The following MAEL variants were observed in gnomAD, a reference collection of about 807,000 sequenced individuals.
MAEL encodes the protein protein maelstrom homolog.
A neutral mutation model predicts 62.0 loss-of-function variants in MAEL; 46 were observed. The ratio of observed to expected loss-of-function variants is 0.74; its 90% CI spans 0.59 to 0.95. The LOEUF is 0.95. Among genes scored for constraint, MAEL ranks in the 40% least tolerant of loss-of-function variants. MAEL has a pLI of 0.00. For missense variants in MAEL, 497 were observed against 526.8 expected (o/e 0.94, Z 0.55); for synonymous variants, 172 against 175.5 (o/e 0.98, Z 0.16).
At chr1:166,998,240 T>G (rs1205835885) in intron 5 of MAEL, among the ~76,000 whole-genome samples, 1 of 152,224 alleles carries the variant, frequency 6.6e-6, no homozygotes, top group Non-Finnish European at 1.5e-5. Context: ...ATATTGAATC[T>G]TTATATTTGT....
At position 166,991,319 on chromosome 1, in the gene MAEL, G is replaced by A. The variant is rs1571243043; in HGVS notation, c.226-59G>A. On this transcript the variant is annotated intron_variant, in intron 2 of 11. Coordinates refer to ENST00000367872, the MANE Select transcript of MAEL (RefSeq NM_032858.3). ...TGCAGTTATTTAGCTAAATTTTAAT[G>A]TATGGTCTAAAAGTGCCCAGCAAGA... is the stretch of plus-strand genomic sequence containing the variant. The A allele has an allele frequency of 9.6e-6, 10 of 1,046,694 alleles. No individual in the cohort carries two copies. In the East Asian group the frequency reaches 1.7e-4, roughly 17 times the overall value. 64.8% of individuals were successfully genotyped at this position (1,046,694 alleles called of 1,614,324 possible). A position where few individuals can be genotyped will look rare whatever the true frequency, so the allele number is the denominator to read the frequency against.
chr1:167,002,802 TGTAA>T (rs1398118095), intron 5 of MAEL, among the ~76,000 whole-genome samples: 3 of 152,248 alleles, frequency 2.0e-5, no homozygotes, highest in Non-Finnish European at 4.4e-5. Context: ...TAAATTTTTA[TGTAA>T]GTAATATTGC....
chr1:166,990,021 AT>A, intron 2 of MAEL, 192 bp downstream of exon 2: 1 of 575,376 alleles, frequency 1.7e-6, no homozygotes, highest in African/African-American at 1.9e-5. Flanking sequence ...CAACTAGGGC[AT>A]GCACACATTG....
intron 3 of MAEL, among the ~76,000 whole-genome samples, chr1:166,992,434 T>C (rs1360333795): frequency 2.0e-5 from 3 of 152,190 alleles, no homozygotes; most frequent in Non-Finnish European, 4.4e-5. Flanking sequence ...TAGAGCTGGC[T>C]GCAAGTTGGA....
chr1:166,976,461 T>A (rs1663584375), intron 1 of MAEL, among the ~76,000 whole-genome samples: 1 of 152,168 alleles, frequency 6.6e-6, no homozygotes, highest in South Asian at 2.1e-4. Flanking sequence ...TTATTCCTAG[T>A]AAAACGGGGC....
At chr1:167,004,383 G>C in intron 6 of MAEL, 79 bp downstream of exon 6, 2 of 1,352,744 alleles carry the variant, frequency 1.5e-6, no homozygotes, top group Non-Finnish European at 2.0e-6. Context: ...ATTTTTGCCT[G>C]TGTATTTTTG....
In MAEL at chr1:167,021,193, A is replaced by G. The variant is rs1352836841; in HGVS notation, c.1117+33A>G. 3 of 1,466,152 alleles carry G rather than the reference A, an allele frequency of 2.0e-6. No individual in the cohort carries two copies. The African/African-American group carries it at 4.2e-5, about 20-fold the overall frequency. The allele number at this position is 1,466,152 out of a possible 1,614,324, so 90.8% of individuals were successfully genotyped here. On this transcript the variant is annotated intron_variant, in intron 11 of 11. Transcript: ENST00000367872. ...ACTTATATTTTACAAAAATGCACCT[A>G]AAGGATGTTAGAGCCTATTACTAAG...
intron 1 of MAEL, among the ~76,000 whole-genome samples, chr1:166,978,370 G>A (rs1663657060): frequency 6.6e-6 from 1 of 152,140 alleles, no homozygotes; most frequent in Non-Finnish European, 1.5e-5. Flanking sequence ...AGGTGATGAA[G>A]GGTTAATATA....
chr1:167,021,187 G>A (rs767854278), intron 11 of MAEL, 27 bp downstream of exon 11: 1 of 1,504,936 alleles, frequency 6.6e-7, no homozygotes, highest in South Asian at 1.1e-5. Flanking sequence ...TTACAAAAAT[G>A]CACCTAAAGG....
At chr1:167,000,009 A>G (rs1302056312) in intron 5 of MAEL, among the ~76,000 whole-genome samples, 1 of 152,210 alleles carries the variant, frequency 6.6e-6, no homozygotes, top group Non-Finnish European at 1.5e-5. Flanking sequence ...GCTCATTGAC[A>G]TTAGACCTAG....
At chr1:167,007,723 G>GT (rs1001282281) in intron 8 of MAEL, among the ~76,000 whole-genome samples, 20 of 151,710 alleles carry the variant, frequency 1.3e-4, no homozygotes, top group African/African-American at 4.8e-4. Context: ...GAGTTCTCTA[G>GT]TTTTTTTACT....
At chr1:166,983,330 G>A (rs1304638573) in intron 1 of MAEL, among the ~76,000 whole-genome samples, 3 of 151,938 alleles carry the variant, frequency 2.0e-5, no homozygotes, top group Non-Finnish European at 4.4e-5. Context: ...TTCCTTCTCT[G>A]GCTTCTAAAC....
chr1:166,988,782 C>T (rs80132679), upstream of MAEL, among the ~76,000 whole-genome samples: 1,278 of 152,256 alleles, frequency 8.4e-3, 25 homozygotes, highest in African/African-American at 0.03. Context: ...CAACCTCTTC[C>T]TCTGTTTCCT....
chr1:167,005,029 A>T (rs2102098199), intron 6 of MAEL, 47 bp from the exon 7 acceptor site: 2 of 1,573,296 alleles, frequency 1.3e-6, no homozygotes, highest in East Asian at 4.5e-5. Context: ...GTAGGAGAAG[A>T]TACAAGTAGT....
At chr1:166,997,578 G>A (rs1471517153) in intron 5 of MAEL, among the ~76,000 whole-genome samples, 1 of 152,130 alleles carries the variant, frequency 6.6e-6, no homozygotes, top group East Asian at 1.9e-4. Context: ...TGCCCAGGCT[G>A]GAGCATGATG....
At chr1:166,985,508 G>A (rs575780166), upstream of MAEL, among the ~76,000 whole-genome samples, 1 of 152,286 alleles carries the variant, frequency 6.6e-6, no homozygotes, top group South Asian at 2.1e-4. Context: ...CAGCCAAAGT[G>A]GAATTTGGCT....
chr1:166,976,744 CAGACTCCACACCTA>C (rs1663595248), intron 1 of MAEL, among the ~76,000 whole-genome samples: 1 of 152,182 alleles, frequency 6.6e-6, no homozygotes, highest in Admixed American at 6.5e-5. Context: ...CTGGAGCAGA[CAGACTCCACACCTA>C]AGAGTGAATG....
chr1:167,017,764 A>G, intron 9 of MAEL, 63 bp from the exon 10 acceptor site: 1 of 1,477,722 alleles, frequency 6.8e-7, no homozygotes. Flanking sequence ...AGATTTTAAA[A>G]TACAAATACT....
chr1:167,005,890 A>G (rs535335732), intron 8 of MAEL: 1 of 152,494 alleles, frequency 6.6e-6, no homozygotes, highest in African/African-American at 2.4e-5. Context: ...CTTGAGGGTA[A>G]GTTGCTATCA....
Sources: gnomAD v4.1 joint callset for allele counts (sites outside exome capture counted in the v4.1 genomes callset) on GRCh38, gnomAD v4.1.1 for gene constraint, MANE v1.5 for transcripts, NCBI Gene and HGNC (gene_info 2026-07-23, HGNC 2026-07-21) for gene names.